Variants in GARRE1 observed in about 807,000 individuals in gnomAD.
GARRE1 encodes granule associated Rac and RHOG effector 1, also known as granule associated Rac and RHOG effector protein 1.
GARRE1 carries 49 observed loss-of-function variants against 103.2 expected under a neutral mutation model. That is an observed-to-expected ratio of 0.47 (90% confidence interval 0.38 to 0.60). The LOEUF is 0.60. Among genes scored for constraint, GARRE1 ranks in the 20% least tolerant of loss-of-function variants. The pLI, the probability that GARRE1 is intolerant of heterozygous loss-of-function variation, is 0.00. For missense variants in GARRE1, 1,199 were observed against 1,370.5 expected (o/e 0.87, Z 1.98); for synonymous variants, 505 against 532.8 (o/e 0.95, Z 0.72).
At chr19:34,329,851 A>T (rs1311323850) in intron 6 of GARRE1, among the ~76,000 whole-genome samples, 1 of 151,974 alleles carries the variant, frequency 6.6e-6, no homozygotes, top group African/African-American at 2.4e-5. Context: ...AAGAAAAAAA[A>T]AAAATGCTCT....
At chr19:34,345,150 G>A (rs1424745786) in intron 10 of GARRE1, among the ~76,000 whole-genome samples, 1 of 151,812 alleles carries the variant, frequency 6.6e-6, no homozygotes, top group Non-Finnish European at 1.5e-5. Context: ...ATGGGGTTTT[G>A]CCATGTTGGC....
chr19:34,301,013 A>G (rs1314684999), intron 2 of GARRE1, 45 bp downstream of exon 2: 2 of 1,542,196 alleles, frequency 1.3e-6, no homozygotes, highest in African/African-American at 1.4e-5. Flanking sequence ...AATATACTAC[A>G]AAGGTAAGTG....
intron 1 of GARRE1, among the ~76,000 whole-genome samples, chr19:34,271,995 A>G (rs1267009761): frequency 6.6e-6 from 1 of 152,148 alleles, no homozygotes; most frequent in Non-Finnish European, 1.5e-5. Context: ...GGAGGAAATG[A>G]GAAACATTTA....
intron 2 of GARRE1, among the ~76,000 whole-genome samples, chr19:34,317,496 C>G (rs1390151547): frequency 6.6e-6 from 1 of 152,102 alleles, no homozygotes; most frequent in East Asian, 1.9e-4. Context: ...GTTTGTGTCC[C>G]TGAGGAGCCG....
At chr19:34,286,924 T>G (rs2073890483) in intron 1 of GARRE1, among the ~76,000 whole-genome samples, 1 of 152,044 alleles carries the variant, frequency 6.6e-6, no homozygotes, top group Non-Finnish European at 1.5e-5. Flanking sequence ...CCAGTTTGGC[T>G]CTCAAATTAT....
chr19:34,316,328 C>T (rs1254595721), intron 2 of GARRE1, among the ~76,000 whole-genome samples: 1 of 152,208 alleles, frequency 6.6e-6, no homozygotes, highest in Non-Finnish European at 1.5e-5. Flanking sequence ...CATCCACTCC[C>T]CAGCTTCCCC....
chr19:34,293,712 A>G (rs937327433), intron 1 of GARRE1, among the ~76,000 whole-genome samples: 1 of 78,098 alleles, frequency 1.3e-5, no homozygotes, highest in Non-Finnish European at 2.7e-5. Flanking sequence ...GCATAAACAT[A>G]TAAACACACA....
intron 1 of GARRE1, among the ~76,000 whole-genome samples, chr19:34,275,298 T>G (rs2073810677): frequency 2.0e-5 from 3 of 152,082 alleles, no homozygotes; most frequent in Admixed American, 6.6e-5. Context: ...AAATTGGTGG[T>G]TTTTAGTATG....
chr19:34,262,109 C>T (rs569691857), intron 1 of GARRE1, among the ~76,000 whole-genome samples: 5 of 151,938 alleles, frequency 3.3e-5, no homozygotes, highest in South Asian at 2.1e-4. Flanking sequence ...CTCAGCCTCC[C>T]GAGTAGCTAG....
At chr19:34,310,363 T>C (rs1179815982) in intron 2 of GARRE1, among the ~76,000 whole-genome samples, 1 of 152,222 alleles carries the variant, frequency 6.6e-6, no homozygotes, top group Non-Finnish European at 1.5e-5. Context: ...GGGTTATGTG[T>C]CCTATGTGTC....
At chr19:34,315,345 A>G (rs1165038220) in intron 2 of GARRE1, among the ~76,000 whole-genome samples, 1 of 152,230 alleles carries the variant, frequency 6.6e-6, no homozygotes, top group East Asian at 1.9e-4. Flanking sequence ...AATAACTGCA[A>G]CTAAACTTTG....
chr19:34,318,753 G>A (rs1187485835), intron 2 of GARRE1, among the ~76,000 whole-genome samples: 2 of 152,092 alleles, frequency 1.3e-5, no homozygotes, highest in Non-Finnish European at 2.9e-5. Context: ...TGTTAAAGAG[G>A]AAATAAGGCC....
chr19:34,338,963 A>C (rs568580833), intron 8 of GARRE1, among the ~76,000 whole-genome samples: 2 of 152,260 alleles, frequency 1.3e-5, no homozygotes, highest in African/African-American at 4.8e-5. Flanking sequence ...TGGTTTCCTG[A>C]AGCAGGGGGT....
At chr19:34,321,920 A>G (rs1292009538) in intron 3 of GARRE1, among the ~76,000 whole-genome samples, 2 of 152,164 alleles carry the variant, frequency 1.3e-5, no homozygotes, top group Admixed American at 6.5e-5. Context: ...ATGGTATGGC[A>G]TGGTCATCAG....
At position 34,341,781 on chromosome 19, in the gene GARRE1, A is replaced by G. The variant is rs1391730837; in HGVS notation, c.1847A>G (p.Asn616Ser). 4.3e-6 allele frequency: 7 copies of G among 1,614,070 alleles called. No homozygotes were observed. Among genetic ancestry groups the G allele is most frequent in the Non-Finnish European group, 5.1e-6 (6 of 1,180,024 alleles). Reference sequence around the variant, plus strand: ...CAGAATTCCAGTAATACAGTGGCCAATGGCTTTCTCATGGAGAGGCGTGAG... The same window carrying G: ...CAGAATTCCAGTAATACAGTGGCCAGTGGCTTTCTCATGGAGAGGCGTGAG... ...SAQNSSNTVA[N>S]GFLMERRENF... The change falls in exon 10 of 14, where the codon AAT becomes AGT. Residue 616 changes from asparagine (N) to serine (S), a missense_variant. By Grantham distance (46) the Asn-to-Ser change is conservative (BLOSUM62 1). Coordinates refer to ENST00000299505, the MANE Select transcript of GARRE1 (RefSeq NM_014686.5).
chr19:34,307,666 T>TATAC, intron 2 of GARRE1, among the ~76,000 whole-genome samples: 1 of 35,730 alleles, frequency 2.8e-5, no homozygotes, highest in Non-Finnish European at 8.5e-5. Flanking sequence ...TATATACATA[T>TATAC]ATACTTATAT....
chr19:34,333,190 G>T (rs776936042), intron 7 of GARRE1, among the ~76,000 whole-genome samples: 1 of 152,194 alleles, frequency 6.6e-6, no homozygotes, highest in Non-Finnish European at 1.5e-5. Context: ...TGGACTGCAG[G>T]ATCACCACAC....
chr19:34,290,753 C>T (rs192712992), intron 1 of GARRE1, among the ~76,000 whole-genome samples: 26 of 151,710 alleles, frequency 1.7e-4, no homozygotes, highest in African/African-American at 5.6e-4. Flanking sequence ...CCTCCCAAAG[C>T]GTTGAGATTA....
At chr19:34,317,359 C>CT (rs2074064614) in intron 2 of GARRE1, among the ~76,000 whole-genome samples, 1 of 152,186 alleles carries the variant, frequency 6.6e-6, no homozygotes, top group South Asian at 2.1e-4. Context: ...GAATGAATGA[C>CT]TAAGTTGTGT....
Sources: allele counts gnomAD v4.1 joint callset (sites outside exome capture counted in the v4.1 genomes callset), GRCh38; gene constraint gnomAD v4.1.1; transcripts MANE v1.5; gene names NCBI Gene and HGNC (gene_info 2026-07-23, HGNC 2026-07-21).